PITPNM2: variants seen among roughly 807,000 people sequenced by gnomAD.
PITPNM2 encodes the protein phosphatidylinositol transfer protein membrane associated 2.
PITPNM2 carries 35 observed loss-of-function variants against 132.2 expected under a neutral mutation model. The ratio of observed to expected loss-of-function variants is 0.26; its 90% CI spans 0.20 to 0.35. The LOEUF (loss-of-function observed/expected upper bound fraction) is 0.35, where lower values mean the gene tolerates loss of function less well. Among genes scored for constraint, PITPNM2 ranks in the 10% least tolerant of loss-of-function variants. The pLI, the probability that PITPNM2 is intolerant of heterozygous loss-of-function variation, is 1.00. For missense variants in PITPNM2, 1,332 were observed against 1,912.0 expected, an observed-to-expected ratio of 0.70 and a Z score of 5.66; for synonymous variants, 738 against 799.2, an observed-to-expected ratio of 0.92 and a Z score of 1.29.
intron 1 of PITPNM2, among the ~76,000 whole-genome samples, chr12:123,142,882 GAA>G (rs60824594): frequency 9.6e-4 from 136 of 140,994 alleles, no homozygotes; most frequent in East Asian, 2.2e-3. Flanking sequence ...TCCCTCTTAT[GAA>G]AAAAAAAAAA....
intron 1 of PITPNM2, among the ~76,000 whole-genome samples, chr12:123,133,925 G>C (rs528546396): frequency 6.6e-6 from 1 of 152,012 alleles, no homozygotes; most frequent in African/African-American, 2.4e-5. Flanking sequence ...CAGGTGATAC[G>C]CCCACCTTGG....
At chr12:122,990,053 A>G in intron 17 of PITPNM2, 105 bp from the exon 18 acceptor site, 6 of 986,418 alleles carry the variant, frequency 6.1e-6, no homozygotes, top group Non-Finnish European at 6.7e-6. Context: ...GCCTGGAGCT[A>G]TCAAGGGCGA....
chr12:123,085,642 A>C (rs2042090759), intron 2 of PITPNM2, among the ~76,000 whole-genome samples: 2 of 152,232 alleles, frequency 1.3e-5, no homozygotes, highest in Non-Finnish European at 2.9e-5. Flanking sequence ...ATACGCATAA[A>C]AGTGGTTAAC....
In PITPNM2 at chr12:123,099,175, C is replaced by T. The variant is rs2042487746; in HGVS notation, c.-96+11210G>A. Among the ~76,000 whole-genome samples the T allele has an allele frequency of 6.6e-6, 1 of 152,072 alleles. No individual in the cohort carries two copies. The highest frequency in any genetic ancestry group is 2.4e-5 in the African/African-American group (1 of 41,408). ...ATTCAGTGGGCACAGCAAGCACCTG[C>T]CAGATAAGGGAGGCAACTGATTCCC... On this transcript the variant is annotated intron_variant, in intron 2 of 25. Coordinates refer to ENST00000320201, the MANE Select transcript of PITPNM2 (RefSeq NM_020845.3). The surrounding 1 kb of genome is among the most constrained non-coding windows in gnomAD (Gnocchi z 4.2).
At chr12:123,127,092 C>T (rs2043154651) in intron 1 of PITPNM2, among the ~76,000 whole-genome samples, 1 of 152,214 alleles carries the variant, frequency 6.6e-6, no homozygotes, top group Non-Finnish European at 1.5e-5. Flanking sequence ...CTCCTCAAGT[C>T]ACATCCATCA....
intron 3 of PITPNM2, among the ~76,000 whole-genome samples, chr12:123,029,043 G>A (rs1436380669): frequency 6.6e-6 from 1 of 152,180 alleles, no homozygotes; most frequent in African/African-American, 2.4e-5. Flanking sequence ...AGCACAGGCT[G>A]GGGTTGAGAG....
intron 11 of PITPNM2, 113 bp downstream of exon 11, chr12:122,997,212 T>A: frequency 1.3e-6 from 2 of 1,484,404 alleles, no homozygotes; most frequent in Non-Finnish European, 1.8e-6. Flanking sequence ...GGCTGGCCGG[T>A]GGGTCTGGAC....
upstream of PITPNM2, among the ~76,000 whole-genome samples, chr12:123,151,323 C>CTG (rs2043746943): frequency 6.6e-6 from 1 of 151,788 alleles, no homozygotes; most frequent in Non-Finnish European, 1.5e-5. Flanking sequence ...GGGCCCGGGA[C>CTG]TGGACTCGGG....
intron 2 of PITPNM2, among the ~76,000 whole-genome samples, chr12:123,057,288 G>A (rs1367387119): frequency 6.6e-6 from 1 of 151,344 alleles, no homozygotes; most frequent in Non-Finnish European, 1.5e-5. Flanking sequence ...GCTGAGGCAG[G>A]AGAATCGCTT....
chr12:123,093,064 T>C (rs77862938), intron 2 of PITPNM2, among the ~76,000 whole-genome samples: 350 of 152,320 alleles, frequency 2.3e-3, no homozygotes, highest in Admixed American at 7.5e-3. Context: ...GAAGCTCAGA[T>C]GCATGCTCCT....
intron 2 of PITPNM2, among the ~76,000 whole-genome samples, chr12:123,063,612 G>A (rs182470247): frequency 4.7e-4 from 72 of 152,274 alleles, no homozygotes; most frequent in African/African-American, 1.7e-3. Flanking sequence ...CTACACCAGG[G>A]CTCTCTGGTC....
intron 2 of PITPNM2, among the ~76,000 whole-genome samples, chr12:123,035,039 C>G (rs556028075): frequency 2.0e-5 from 3 of 152,320 alleles, no homozygotes; most frequent in African/African-American, 4.8e-5. Context: ...CCGGTACTGA[C>G]ACAGTGAGTA....
At position 123,009,944 on chromosome 12, in the gene PITPNM2, C is replaced by G; in HGVS notation, c.549G>C (p.Gln183His). 3 of 1,614,200 alleles carry G rather than the reference C, an allele frequency of 1.9e-6. No homozygotes were observed. The highest frequency in any genetic ancestry group is 2.5e-6 in the Non-Finnish European group (3 of 1,180,026). Residue 183 changes from glutamine (Q) to histidine (H), a missense_variant, in exon 6 of 26, where the codon CAG becomes CAC. Transcript: ENST00000320201. The surrounding 1 kb of genome is among the most constrained non-coding windows in gnomAD (Gnocchi z 4.8). ...SENWIEEYKK[Q>H]VFPIMCAYKL... The stretch of plus-strand genomic sequence containing the variant: ...TGTATGCGCACATGATGGGGAAGAC[C>G]TGCTTCTTGTACTCCTCGATCCAGT...
intron 4 of PITPNM2, among the ~76,000 whole-genome samples, chr12:123,013,373 G>T (rs2039292487): frequency 6.6e-6 from 1 of 152,212 alleles, no homozygotes; most frequent in Non-Finnish European, 1.5e-5. Flanking sequence ...GGAATCCCAA[G>T]GACAGCCCTG....
rs542473706 is a variant in PITPNM2 at position 123,095,933 on chromosome 12, G to A, written c.-96+14452C>T. Among the ~76,000 whole-genome samples, 15 of 152,336 alleles carry A rather than the reference G, an allele frequency of 9.8e-5. No homozygotes were observed. Among genetic ancestry groups the A allele is most frequent in the Non-Finnish European group, 1.9e-4 (13 of 68,038 alleles). On this transcript the variant is annotated intron_variant, in intron 2 of 25. Transcript: ENST00000320201. The surrounding 1 kb of genome is among the most constrained non-coding windows in gnomAD (Gnocchi z 5.0). ...CACTTCCACAAGGCTTGGCACTATC[G>A]TAAGGATCATCACCGCCCATGACTG...
At chr12:123,144,623 G>A (rs148311870) in intron 1 of PITPNM2, among the ~76,000 whole-genome samples, 1 of 152,164 alleles carries the variant, frequency 6.6e-6, no homozygotes, top group East Asian at 1.9e-4. Context: ...GTAGAGATGG[G>A]GTTTCACCAT....
rs1286919553 is a variant in PITPNM2 at position 122,997,408 on chromosome 12, G to A, written c.1389C>T (p.His463=). Residue 463 remains histidine, a synonymous_variant, in exon 11 of 26, where the codon CAC becomes CAT. Coordinates refer to ENST00000320201, the MANE Select transcript of PITPNM2 (RefSeq NM_020845.3). The part of the protein sequence containing the change: ...ANVFDTVMRV[H]YPSALGRLAI... ...CAAGGCGGCCCAGGGCGCTGGGGTAGTGCACGCGCATGACGGTGTCGAACA... is the reference window on the plus strand; with the variant it reads ...CAAGGCGGCCCAGGGCGCTGGGGTAATGCACGCGCATGACGGTGTCGAACA... 2 of 1,613,422 alleles carry A rather than the reference G, an allele frequency of 1.2e-6. No homozygotes were observed. Among genetic ancestry groups the A allele is most frequent in the Admixed American group, 1.7e-5 (1 of 60,018 alleles).
chr12:123,030,178 T>C (rs2040031181), intron 3 of PITPNM2, among the ~76,000 whole-genome samples: 1 of 152,194 alleles, frequency 6.6e-6, no homozygotes, highest in South Asian at 2.1e-4. Flanking sequence ...GGGACTCTTC[T>C]GTTTCAAAAC....
In PITPNM2 at chr12:123,089,999, G is replaced by A. The variant is rs767970752; in HGVS notation, c.-96+20386C>T. 8 of 152,202 alleles carry A rather than the reference G, an allele frequency of 5.3e-5. 1 individual carries two copies. The highest frequency in any genetic ancestry group is 1.0e-4 in the Non-Finnish European group (7 of 68,044). 9.4% of individuals were successfully genotyped at this position (152,202 alleles called of 1,614,324 possible). On this transcript the variant is annotated intron_variant, in intron 2 of 25. Transcript: ENST00000320201. The stretch of plus-strand genomic sequence containing the variant: ...ACATTTATGGAGTATTATTCTTGGA[G>A]TTATCTACAGCTGTATAACAAATTA...
Sources: gnomAD v4.1 joint callset for allele counts (sites outside exome capture counted in the v4.1 genomes callset) on GRCh38, gnomAD v4.1.1 for gene constraint, Gnocchi (gnomAD v3.1) non-coding constraint, MANE v1.5 for transcripts, NCBI Gene and HGNC (gene_info 2026-07-23, HGNC 2026-07-21) for gene names.